PATJ: variants seen among roughly 807,000 people sequenced by gnomAD.
The protein encoded by PATJ is PATJ crumbs cell polarity complex component, also known as inaD-like protein.
PATJ carries 190 observed loss-of-function variants against 224.9 expected under a neutral mutation model. That is an observed-to-expected ratio of 0.84 (90% confidence interval 0.75 to 0.95). The LOEUF (loss-of-function observed/expected upper bound fraction) is 0.95, where lower values mean the gene tolerates loss of function less well. PATJ is among the 40% of genes least tolerant of loss of function. PATJ has a pLI of 0.00. For missense variants in PATJ, 2,121 were observed against 2,270.3 expected (o/e 0.93, Z 1.34); for synonymous variants, 769 against 820.3 (o/e 0.94, Z 1.07).
chr1:62,153,789 G>C (rs1668868589), intron 43 of PATJ, among the ~76,000 whole-genome samples: 1 of 152,170 alleles, frequency 6.6e-6, no homozygotes, highest in Non-Finnish European at 1.5e-5. Flanking sequence ...GGTGTCCTTG[G>C]AAGTATTGTT....
At chr1:61,825,050 A>G (rs1406497538) in intron 15 of PATJ, among the ~76,000 whole-genome samples, 2 of 152,212 alleles carry the variant, frequency 1.3e-5, no homozygotes, top group Non-Finnish European at 2.9e-5. Context: ...ACAGGTTAGC[A>G]TGTGTCCCTT....
rs77066460 is a variant in PATJ at position 62,116,280 on chromosome 1, C to A, written c.4656-252C>A. 3.1e-3 allele frequency among the ~76,000 whole-genome samples: 471 copies of A among 152,240 alleles called. 17 individuals are homozygous for A. The East Asian group carries it at 0.08, about 26-fold the overall frequency. On this transcript the variant is annotated intron_variant, in intron 35 of 43. Coordinates refer to ENST00000642238, the MANE Select transcript of PATJ (RefSeq NM_001350145.3). ...TGCAATAGTTAAAGAATGGAAATAA[C>A]CTGTATGTCCATCAGTAAGCTACTG...
intron 1 of PATJ, among the ~76,000 whole-genome samples, chr1:61,748,747 C>A (rs1269232582): frequency 6.6e-6 from 1 of 151,992 alleles, no homozygotes; most frequent in South Asian, 2.1e-4. Context: ...TAGCCCTGAC[C>A]CCCTGGGCAC....
At chr1:61,927,859 T>C (rs374961363) in intron 27 of PATJ, 30 bp downstream of exon 27, 13 of 1,402,308 alleles carry the variant, frequency 9.3e-6, no homozygotes, top group African/African-American at 1.4e-5. Context: ...TTAGGGTAGA[T>C]GCAGAACTTA....
chr1:62,079,094 A>T (rs1197615551), intron 31 of PATJ, among the ~76,000 whole-genome samples: 2 of 152,136 alleles, frequency 1.3e-5, no homozygotes, highest in African/African-American at 4.8e-5. Flanking sequence ...AAGTCCATAG[A>T]TAAAGGGGCT....
At chr1:61,784,872 T>C (rs142388694) in intron 7 of PATJ, among the ~76,000 whole-genome samples, 158 of 152,290 alleles carry the variant, frequency 1.0e-3, no homozygotes, top group Middle Eastern at 3.4e-3. Flanking sequence ...TTCATAACAA[T>C]GTCCTCCTTG....
intron 15 of PATJ, among the ~76,000 whole-genome samples, chr1:61,824,642 C>A (rs1056187130): frequency 6.6e-6 from 1 of 151,932 alleles, no homozygotes. Flanking sequence ...CCATGCTGGT[C>A]TTGAACTCCT....
chr1:61,913,755 A>G (rs552715005), intron 25 of PATJ, among the ~76,000 whole-genome samples: 10 of 152,320 alleles, frequency 6.6e-5, no homozygotes, highest in Non-Finnish European at 1.2e-4. Context: ...TTATGCTAAT[A>G]GTGATAGTGG....
rs1570896219 is a variant in PATJ, at chr1:62,162,954, A to G, written c.*1900A>G. On this transcript the variant is annotated 3_prime_UTR_variant, in exon 44 of 44. Coordinates refer to ENST00000642238, the MANE Select transcript of PATJ (RefSeq NM_001350145.3). ...AGAGCAAGACTCTGTCTCGAAAAAG[A>G]AAAAAAACCATGAAGGATGAGTACT... 1 of 409,336 alleles carries G rather than the reference A, an allele frequency of 2.4e-6. No homozygotes were observed. The highest frequency in any genetic ancestry group is 9.5e-5 in the East Asian group (1 of 10,534). 25.4% of individuals were successfully genotyped at this position (409,336 alleles called of 1,614,324 possible). A position where few individuals can be genotyped will look rare whatever the true frequency, so the allele number is the denominator to read the frequency against.
rs541897896 is a variant in PATJ, at chr1:61,883,026, CAT to C, written c.2960-1210_2960-1209del. Among the ~76,000 whole-genome samples the C allele has an allele frequency of 1.3e-3, 201 of 152,272 alleles. 1 individual carries two copies. The highest frequency in any genetic ancestry group is 4.5e-3 in the African/African-American group (186 of 41,556). ...CAATATATGTGGACATACCCACACA[CAT>C]GTCTATATATGATAGTTATACTGTG... On this transcript the variant is annotated intron_variant, in intron 21 of 43. Coordinates refer to ENST00000642238, the MANE Select transcript of PATJ (RefSeq NM_001350145.3).
intron 31 of PATJ, among the ~76,000 whole-genome samples, chr1:62,062,944 C>T (rs1655808905): frequency 1.3e-5 from 2 of 152,226 alleles, no homozygotes; most frequent in Admixed American, 6.5e-5. Context: ...AATATTTTCT[C>T]CTATTCTGTA....
rs558163497 is a variant in PATJ at position 61,856,750 on chromosome 1, G to A, written c.2322+511G>A. ...ATTACTAGCATGTGCCACTGTGCCT[G>A]GCTACTAATTTTTTGTATTTTTAGT... On this transcript the variant is annotated intron_variant, in intron 18 of 43. Transcript: ENST00000642238. Among the ~76,000 whole-genome samples, 94 of 152,152 alleles carry A rather than the reference G, an allele frequency of 6.2e-4. 1 individual carries two copies. The South Asian group carries it at 0.019, about 31-fold the overall frequency.
chr1:61,765,066 ATTTTTTTTTTTTTTTTT>A (rs71582647), intron 3 of PATJ, among the ~76,000 whole-genome samples: 11 of 24,010 alleles, frequency 4.6e-4, no homozygotes, highest in South Asian at 6.7e-3. Flanking sequence ...ATTGACATTC[ATTTTTTTTTTTTTTTTT>A]TTTTTTTTTT....
At chr1:61,868,656 G>A (rs368238780) in intron 20 of PATJ, among the ~76,000 whole-genome samples, 3 of 152,092 alleles carry the variant, frequency 2.0e-5, no homozygotes, top group African/African-American at 7.2e-5. Flanking sequence ...AGGCATGGTG[G>A]TGCATGCCTG....
chr1:61,899,511 A>G lies in PATJ; in HGVS notation c.3132-72A>G, dbSNP rs1347943098. On this transcript the variant is annotated intron_variant, in intron 22 of 43. Transcript: ENST00000642238. ...ACTACCTATAGATTTTACAATTTCA[A>G]AACCTTCCAAGGACCTTTAATAATG... 3.2e-5 allele frequency: 33 copies of G among 1,023,792 alleles called. No homozygotes were observed. In the East Asian group the frequency reaches 8.2e-4, roughly 25 times the overall value. 63.4% of individuals were successfully genotyped at this position (1,023,792 alleles called of 1,614,324 possible). A position where few individuals can be genotyped will look rare whatever the true frequency, so the allele number is the denominator to read the frequency against.
intron 1 of PATJ, among the ~76,000 whole-genome samples, chr1:61,746,729 G>A (rs1193822243): frequency 6.6e-6 from 1 of 151,204 alleles, no homozygotes; most frequent in Non-Finnish European, 1.5e-5. Context: ...TAATATTTCT[G>A]TAACTATAAA....
chr1:62,093,500 C>T (rs1363056470), intron 33 of PATJ, among the ~76,000 whole-genome samples: 4 of 152,150 alleles, frequency 2.6e-5, no homozygotes, highest in Admixed American at 2.0e-4. Context: ...ATGTGATCCA[C>T]CAAAGCCAAG....
intron 7 of PATJ, among the ~76,000 whole-genome samples, chr1:61,785,431 G>T (rs190710117): frequency 6.6e-6 from 1 of 152,098 alleles, no homozygotes; most frequent in Non-Finnish European, 1.5e-5. Flanking sequence ...AATAGTCTTC[G>T]GTGAGCAACT....
At chr1:62,144,828 T>C (rs550470049) in intron 41 of PATJ, among the ~76,000 whole-genome samples, 4 of 143,934 alleles carry the variant, frequency 2.8e-5, no homozygotes, top group African/African-American at 1.0e-4. Context: ...ATTATTCTAC[T>C]ATACCTTTGT....
Sources: gnomAD v4.1 joint callset for allele counts (sites outside exome capture counted in the v4.1 genomes callset) on GRCh38, gnomAD v4.1.1 for gene constraint, MANE v1.5 for transcripts, NCBI Gene and HGNC (gene_info 2026-07-23, HGNC 2026-07-21) for gene names.